The following ADAMTS19 variants were observed in gnomAD, a reference collection of about 807,000 sequenced individuals.
ADAMTS19 encodes ADAM metallopeptidase with thrombospondin type 1 motif 19, also known as A disintegrin and metalloproteinase with thrombospondin motifs 19.
ADAMTS19 carries 93 observed loss-of-function variants against 153.3 expected under a neutral mutation model. That is an observed-to-expected ratio of 0.61 (90% CI 0.51 to 0.72). The LOEUF is 0.72. Among genes scored for constraint, ADAMTS19 ranks in the 30% least tolerant of loss-of-function variants. The pLI is 0.00. For missense variants in ADAMTS19, 1,482 were observed against 1,552.1 expected (o/e 0.95, Z 0.76); for synonymous variants, 600 against 556.6 (o/e 1.08, Z -1.10).
rs544749945 is a variant in ADAMTS19, at chr5:129,630,878, T to C, written c.1770+8530T>C. Among the ~76,000 whole-genome samples the C allele has an allele frequency of 9.2e-5, 14 of 151,912 alleles. No individual in the cohort carries two copies. The South Asian group carries it at 2.9e-3, about 31-fold the overall frequency. Reference sequence around the variant, plus strand: ...AAATATATAATCCCTGTAATAGTAATAAAAGACCAAGCAATACAATAAAAT... The same window carrying C: ...AAATATATAATCCCTGTAATAGTAACAAAAGACCAAGCAATACAATAAAAT... On this transcript the variant is annotated intron_variant, in intron 10 of 22. Transcript: ENST00000274487.
intron 16 of ADAMTS19, among the ~76,000 whole-genome samples, chr5:129,674,795 T>TTA (rs1390415564): frequency 6.6e-6 from 1 of 152,128 alleles, no homozygotes. Context: ...CCTCAGTTAA[T>TTA]TATACTAAAA....
chr5:129,641,422 A>G (rs191313542), intron 10 of ADAMTS19, among the ~76,000 whole-genome samples: 3 of 152,332 alleles, frequency 2.0e-5, no homozygotes, highest in Admixed American at 2.0e-4. Context: ...AGTACTAACC[A>G]TGGCATTTAA....
intron 22 of ADAMTS19, among the ~76,000 whole-genome samples, chr5:129,735,658 A>G (rs576971004): frequency 2.6e-5 from 4 of 152,168 alleles, no homozygotes; most frequent in African/African-American, 9.6e-5. Flanking sequence ...TATTGACTAT[A>G]TTGATATTTA....
chr5:129,539,062 C>T (rs145609939), intron 6 of ADAMTS19, among the ~76,000 whole-genome samples: 17 of 152,106 alleles, frequency 1.1e-4, no homozygotes, highest in Admixed American at 2.0e-4. Context: ...TTTCACTTTA[C>T]GATTATGTCT....
intron 2 of ADAMTS19, among the ~76,000 whole-genome samples, chr5:129,504,168 T>C (rs997466220): frequency 7.9e-5 from 12 of 152,150 alleles, no homozygotes; most frequent in Admixed American, 3.9e-4. Flanking sequence ...TTCCACCTGT[T>C]GCCTAGACTC....
In ADAMTS19 at chr5:129,596,575, T is replaced by G; in HGVS notation, c.1389T>G (p.Ser463Arg). 1 of 1,603,870 alleles carries G rather than the reference T, an allele frequency of 6.2e-7. No homozygotes were observed. The highest frequency in any genetic ancestry group is 8.5e-7 in the Non-Finnish European group (1 of 1,175,358). ...ATTTTTTAGGTATAGCTTACTTGAGTGGAATGTGTAGTGAAAAGAGAAAAT... is the reference window on the plus strand; with the variant it reads ...ATTTTTTAGGTATAGCTTACTTGAGGGGAATGTGTAGTGAAAAGAGAAAAT... Reference protein sequence around the residue: ...PCDTVGIAYLSGMCSEKRKCI... With the variant: ...PCDTVGIAYLRGMCSEKRKCI... The change falls in exon 8 of 23, where the codon AGT becomes AGG. Residue 463 changes from serine (S) to arginine (R), a missense_variant. Physicochemically the swap from Ser to Arg is moderately radical, Grantham distance 110 (BLOSUM62 -1). Around this residue, in one of 2 missense-constraint regions of ADAMTS19, gnomAD observed 866 missense variants for 827.7 expected, o/e 1.05. Transcript: ENST00000274487.
chr5:129,620,605 T>C lies in ADAMTS19; in HGVS notation c.1479-13T>C. ...TAGTGTAAATTTTAAAATTTTATTA[T>C]ATTCCAAATCAGCATGGGCATTAAC... On this transcript the variant is annotated splice_polypyrimidine_tract_variant and intron_variant, in intron 8 of 22. Coordinates refer to ENST00000274487, the MANE Select transcript of ADAMTS19 (RefSeq NM_133638.6). 6.5e-7 allele frequency: 1 copy of C among 1,533,470 alleles called. No homozygotes were observed. Among genetic ancestry groups the C allele is most frequent in the Non-Finnish European group, 8.8e-7 (1 of 1,141,028 alleles). The allele number at this position is 1,533,470 out of a possible 1,614,324, so 95.0% of individuals were successfully genotyped here.
chr5:129,586,121 C>T (rs910249608), intron 7 of ADAMTS19, among the ~76,000 whole-genome samples: 1 of 152,120 alleles, frequency 6.6e-6, no homozygotes, highest in African/African-American at 2.4e-5. Context: ...CCATTATCAA[C>T]ATTCACCACT....
intron 18 of ADAMTS19, among the ~76,000 whole-genome samples, chr5:129,691,399 G>A (rs992391255): frequency 1.3e-5 from 2 of 152,154 alleles, no homozygotes; most frequent in African/African-American, 2.4e-5. Context: ...CAGGCAGAAG[G>A]TCAGTTATTT....
At chr5:129,556,294 C>G (rs1283140655) in intron 7 of ADAMTS19, among the ~76,000 whole-genome samples, 2 of 152,146 alleles carry the variant, frequency 1.3e-5, no homozygotes, top group Non-Finnish European at 2.9e-5. Context: ...ATTCATTTCA[C>G]AATGAATGGC....
intron 6 of ADAMTS19, among the ~76,000 whole-genome samples, chr5:129,536,933 T>TAGCATTAGG (rs558597306): frequency 2.4e-3 from 361 of 148,544 alleles, no homozygotes; most frequent in African/African-American, 8.6e-3. Context: ...GGGGGAGGGA[T>TAGCATTAGG]AGCATTAGGA....
chr5:129,473,602 C>A (rs1239350365), intron 2 of ADAMTS19, among the ~76,000 whole-genome samples: 1 of 151,916 alleles, frequency 6.6e-6, no homozygotes, highest in East Asian at 1.9e-4. Flanking sequence ...AAAATAGCTG[C>A]CTGTTCATAA....
intron 7 of ADAMTS19, among the ~76,000 whole-genome samples, chr5:129,575,809 T>A (rs933403041): frequency 6.6e-6 from 1 of 152,080 alleles, no homozygotes; most frequent in Non-Finnish European, 1.5e-5. Context: ...TTTATTATGA[T>A]CTGTCAAAAC....
At chr5:129,564,456 G>A (rs145187055) in intron 7 of ADAMTS19, among the ~76,000 whole-genome samples, 2 of 152,270 alleles carry the variant, frequency 1.3e-5, no homozygotes, top group East Asian at 3.9e-4. Context: ...CACCTTGGAT[G>A]CAAGTATATA....
chr5:129,498,813 T>G (rs10463856), intron 2 of ADAMTS19, among the ~76,000 whole-genome samples: 21,858 of 149,082 alleles, frequency 0.15, 2,676 homozygotes, highest in African/African-American at 0.34. Context: ...TTTTTTTTTT[T>G]GATCTTTCTT....
intron 22 of ADAMTS19, among the ~76,000 whole-genome samples, chr5:129,736,530 G>A (rs539639125): frequency 2.6e-5 from 4 of 152,064 alleles, no homozygotes; most frequent in South Asian, 2.1e-4. Flanking sequence ...AATCTCAGTC[G>A]CTTGTGATGA....
intron 6 of ADAMTS19, among the ~76,000 whole-genome samples, chr5:129,538,017 G>A (rs1424927160): frequency 6.6e-6 from 1 of 151,924 alleles, no homozygotes; most frequent in Non-Finnish European, 1.5e-5. Context: ...GGATGGAGAG[G>A]GGACTTATAA....
intron 2 of ADAMTS19, among the ~76,000 whole-genome samples, chr5:129,499,147 A>G (rs1330302259): frequency 6.6e-6 from 1 of 152,074 alleles, no homozygotes; most frequent in African/African-American, 2.4e-5. Context: ...TTATTTCTCT[A>G]TTTAAAGAAT....
chr5:129,543,063 A>G (rs75267122), intron 6 of ADAMTS19, among the ~76,000 whole-genome samples: 1 of 135,912 alleles, frequency 7.4e-6, no homozygotes, highest in African/African-American at 2.7e-5. Flanking sequence ...TTTTTTTTTA[A>G]TTTAAGAAGG....
Sources: allele counts gnomAD v4.1 joint callset (sites outside exome capture counted in the v4.1 genomes callset), GRCh38; gene constraint gnomAD v4.1.1; regional missense constraint gnomAD v4.1.1; transcripts MANE v1.5; gene names NCBI Gene and HGNC (gene_info 2026-07-23, HGNC 2026-07-21).